The following GRIP1 variants were observed in gnomAD, a reference collection of about 807,000 sequenced individuals.
GRIP1 encodes glutamate receptor-interacting protein 1.
Under a neutral mutation model 129.9 loss-of-function variants are expected in GRIP1, and 45 were observed. The ratio of observed to expected loss-of-function variants is 0.35; its 90% CI spans 0.27 to 0.44. The LOEUF (loss-of-function observed/expected upper bound fraction) is 0.44. GRIP1 is among the 20% of genes least tolerant of loss of function. GRIP1 has a pLI of 1.00. For synonymous variants in GRIP1, 530 were observed against 520.8 expected (o/e 1.02, Z -0.24); for missense variants, 1,196 against 1,396.8 (o/e 0.86, Z 2.29).
chr12:66,872,157 G>GT (rs2040306953), intron 1 of GRIP1, among the ~76,000 whole-genome samples: 1 of 152,022 alleles, frequency 6.6e-6, no homozygotes, highest in African/African-American at 2.4e-5. Context: ...CCTGCAGGAG[G>GT]TTTTGCCAGT....
chr12:66,353,062 A>G (rs1238183712), intron 24 of GRIP1, among the ~76,000 whole-genome samples: 1 of 152,202 alleles, frequency 6.6e-6, no homozygotes, highest in African/African-American at 2.4e-5. Flanking sequence ...GACAAGTGGT[A>G]GGAAGGACTA....
chr12:66,926,541 T>G (rs1483733325), intron 1 of GRIP1, among the ~76,000 whole-genome samples: 5 of 152,246 alleles, frequency 3.3e-5, no homozygotes, highest in Non-Finnish European at 7.3e-5. Context: ...AAGTGTGGCT[T>G]CAGGTTTTCC....
At chr12:66,670,492 ATTTGCAGGGGTGT>A (rs1309049295) in intron 1 of GRIP1, among the ~76,000 whole-genome samples, 1 of 152,148 alleles carries the variant, frequency 6.6e-6, no homozygotes, top group Non-Finnish European at 1.5e-5. Flanking sequence ...GCAGGCTCAG[ATTTGCAGGGGTGT>A]TCACACAGTT....
intron 1 of GRIP1, among the ~76,000 whole-genome samples, chr12:67,058,066 A>G (rs2043468520): frequency 6.6e-6 from 1 of 152,240 alleles, no homozygotes; most frequent in African/African-American, 2.4e-5. Context: ...GTGGTTTACA[A>G]TGGAATTTGT....
At chr12:66,992,754 A>G (rs2042411817) in intron 1 of GRIP1, among the ~76,000 whole-genome samples, 1 of 152,230 alleles carries the variant, frequency 6.6e-6, no homozygotes. Flanking sequence ...AATCAACAAC[A>G]GAAAGAAATT....
chr12:66,725,224 C>T (rs1354236936), intron 1 of GRIP1, among the ~76,000 whole-genome samples: 5 of 151,958 alleles, frequency 3.3e-5, no homozygotes, highest in Non-Finnish European at 7.4e-5. Flanking sequence ...ATCACTTGGG[C>T]CCAGGGAGGT....
At chr12:67,053,944 T>C (rs567918344) in intron 1 of GRIP1, among the ~76,000 whole-genome samples, 1 of 152,332 alleles carries the variant, frequency 6.6e-6, no homozygotes, top group South Asian at 2.1e-4. Flanking sequence ...TTTGAAAATT[T>C]AGACATTAAA....
chr12:66,543,258 A>G (rs577945109), intron 2 of GRIP1, among the ~76,000 whole-genome samples: 114 of 152,234 alleles, frequency 7.5e-4, no homozygotes, highest in Non-Finnish European at 1.5e-3. Context: ...CTGTGACTTT[A>G]ACATCCCAGC....
At chr12:66,376,243 A>ACAC (rs1362921732) in intron 22 of GRIP1, among the ~76,000 whole-genome samples, 6 of 152,226 alleles carry the variant, frequency 3.9e-5, no homozygotes. Flanking sequence ...TAAAATAACC[A>ACAC]CACATGCAAT....
intron 1 of GRIP1, among the ~76,000 whole-genome samples, chr12:66,873,747 T>C (rs1290057448): frequency 2.6e-5 from 4 of 152,102 alleles, no homozygotes; most frequent in African/African-American, 9.7e-5. Flanking sequence ...ATCTTGCATT[T>C]GCTTTCAAAG....
chr12:66,898,013 T>TACACAGTAGTAGTA (rs1322699446), intron 1 of GRIP1, among the ~76,000 whole-genome samples: 1 of 152,212 alleles, frequency 6.6e-6, no homozygotes, highest in African/African-American at 2.4e-5. Flanking sequence ...CAAGCAACAG[T>TACACAGTAGTAGTA]ACAGTAGTTA....
At chr12:66,832,136 T>G (rs1343807) in intron 1 of GRIP1, among the ~76,000 whole-genome samples, 146,519 of 152,268 alleles carry the variant, frequency 0.96, 70,766 homozygotes, top group East Asian at 1. Context: ...TACTAAATCA[T>G]TTTCATGCTT....
chr12:66,938,992 C>G (rs1462674222), intron 1 of GRIP1, among the ~76,000 whole-genome samples: 1 of 150,814 alleles, frequency 6.6e-6, no homozygotes, highest in South Asian at 2.1e-4. Flanking sequence ...AATTTCAACA[C>G]CAGGGAGCAG....
chr12:66,553,051 G>A (rs1225380776), intron 2 of GRIP1, among the ~76,000 whole-genome samples: 1 of 152,172 alleles, frequency 6.6e-6, no homozygotes, highest in Non-Finnish European at 1.5e-5. Flanking sequence ...TCCTAACAGG[G>A]AGGGTACCAT....
At chr12:66,670,421 A>G (rs1469962859) in intron 1 of GRIP1, among the ~76,000 whole-genome samples, 1 of 152,172 alleles carries the variant, frequency 6.6e-6, no homozygotes. Context: ...TTGAAGACTT[A>G]ACAAAATGAT....
intron 4 of GRIP1, among the ~76,000 whole-genome samples, chr12:66,534,720 G>A (rs1209350280): frequency 6.6e-6 from 1 of 151,510 alleles, no homozygotes; most frequent in South Asian, 2.1e-4. Context: ...TTGAGATGGA[G>A]TCTTGCTCTG....
chr12:66,392,557 C>T (rs189784716), intron 18 of GRIP1, 55 bp from the exon 19 acceptor site: 54 of 1,582,202 alleles, frequency 3.4e-5, no homozygotes, highest in Middle Eastern at 3.4e-4. Context: ...TAAAAATATA[C>T]CAAGATACTC....
chr12:66,463,589 C>T (rs745884594), intron 8 of GRIP1, among the ~76,000 whole-genome samples: 1 of 152,136 alleles, frequency 6.6e-6, no homozygotes, highest in Admixed American at 6.5e-5. Flanking sequence ...GGAATCCTCA[C>T]ACAAACTCCA....
intron 1 of GRIP1, among the ~76,000 whole-genome samples, chr12:66,785,860 T>C (rs1022440419): frequency 2.6e-5 from 4 of 151,856 alleles, no homozygotes; most frequent in East Asian, 1.9e-4. Context: ...GGTGGGAGGA[T>C]TGCTTGAGGC....
Sources: gnomAD v4.1 joint callset for allele counts (sites outside exome capture counted in the v4.1 genomes callset) on GRCh38, gnomAD v4.1.1 for gene constraint, MANE v1.5 for transcripts, NCBI Gene and HGNC (gene_info 2026-07-23, HGNC 2026-07-21) for gene names.